The following ATP8B3 variants were observed in gnomAD, a reference collection of about 807,000 sequenced individuals.
ATP8B3 encodes the protein phospholipid-transporting ATPase IK.
A neutral mutation model predicts 140.9 loss-of-function variants in ATP8B3; 141 were observed. That is an observed-to-expected ratio of 1.00 (90% CI 0.87 to 1.15). ATP8B3 has a LOEUF of 1.15. ATP8B3 is among the 50% of genes most tolerant of loss of function. ATP8B3 has a pLI of 0.00. For synonymous variants in ATP8B3, 765 were observed against 714.6 expected, an observed-to-expected ratio of 1.07 and a Z score of -1.13; for missense variants, 1,874 against 1,740.6, an observed-to-expected ratio of 1.08 and a Z score of -1.36.
In ATP8B3 at chr19:1,788,935, G is replaced by A; in HGVS notation, c.3031C>T (p.Gln1011Ter). Reference sequence around the variant, plus strand: ...CCGTTGTAGCAGGCAAACCAGACCTGCACCATCATGCTGGCCATGCTCTTG... The same window carrying A: ...CCGTTGTAGCAGGCAAACCAGACCTACACCATCATGCTGGCCATGCTCTTG... ...FYKSMASMMV[Q>*]VWFACYNGFT... The change falls in exon 24 of 29, where the codon CAG (glutamine) becomes TAG (stop). Residue 1011 changes from glutamine (Q) to a stop codon, truncating the protein, a stop_gained. Transcript: ENST00000310127. LOFTEE classifies it high-confidence loss of function. 6.2e-7 allele frequency: 1 copy of A among 1,605,954 alleles called. No individual in the cohort carries two copies. Among genetic ancestry groups the A allele is most frequent in the Non-Finnish European group, 8.5e-7 (1 of 1,176,686 alleles).
Position 1,811,795 on chromosome 19 carries a change from G to A in ATP8B3, c.-59C>T, listed in dbSNP as rs1165719779. 7 of 1,508,752 alleles carry A rather than the reference G, an allele frequency of 4.6e-6. No individual in the cohort carries two copies. The highest frequency in any genetic ancestry group is 5.3e-6 in the Non-Finnish European group (6 of 1,133,438). 93.5% of individuals were successfully genotyped at this position (1,508,752 alleles called of 1,614,324 possible). On this transcript the variant is annotated 5_prime_UTR_variant, in exon 2 of 29. Transcript: ENST00000310127. ...AGAGGGGTTTAGGCTGTGGGACGGG[G>A]GAGAGGTGGGGGAGACCCCCGTGGG...
At chr19:1,798,467 G>A (rs1296134826) in intron 14 of ATP8B3, among the ~76,000 whole-genome samples, 1 of 151,512 alleles carries the variant, frequency 6.6e-6, no homozygotes, top group Non-Finnish European at 1.5e-5. Context: ...GGCCGGGCGC[G>A]GTGGCTCACG....
chr19:1,787,728 TAAAAAAAAAAA>T (rs561418063), intron 24 of ATP8B3, among the ~76,000 whole-genome samples: 1 of 119,726 alleles, frequency 8.4e-6, no homozygotes. Flanking sequence ...AAACTCTGTC[TAAAAAAAAAAA>T]AAAAAAAAAA....
rs2068549028 is a variant in ATP8B3 at position 1,792,610 on chromosome 19, A to G, written c.2056-475T>C. 2.1e-5 allele frequency among the ~76,000 whole-genome samples: 3 copies of G among 145,932 alleles called. No individual in the cohort carries two copies. In the South Asian group the frequency reaches 6.5e-4, roughly 32 times the overall value. On this transcript the variant is annotated intron_variant, in intron 18 of 28. Transcript: ENST00000310127. ...AAAAAAAAAAAATAGAAAAAACAAT[A>G]GAAAGAAAGCGGGGAAGAGGGCTGG...
At chr19:1,786,648 C>T (rs907835040) in intron 25 of ATP8B3, among the ~76,000 whole-genome samples, 64 of 152,194 alleles carry the variant, frequency 4.2e-4, no homozygotes, top group African/African-American at 1.4e-3. Context: ...GCAACACAAG[C>T]GTTCCTCATG....
At position 1,808,344 on chromosome 19, in the gene ATP8B3, A is replaced by G; in HGVS notation, c.403-9T>C. On this transcript the variant is annotated splice_polypyrimidine_tract_variant and intron_variant, in intron 4 of 28. Transcript: ENST00000310127. ...GTGCGGATGACATTGGTCTGGAACG[A>G]GAGCCGCGGGCTGCCTGGCAGAGGG... 6.2e-7 allele frequency: 1 copy of G among 1,605,600 alleles called. No individual in the cohort carries two copies. Among genetic ancestry groups the G allele is most frequent in the Non-Finnish European group, 8.5e-7 (1 of 1,174,704 alleles).
chr19:1,800,207 C>T lies in ATP8B3; in HGVS notation c.1343+52G>A, dbSNP rs1288954943. 1.3e-6 allele frequency: 2 copies of T among 1,594,314 alleles called. No homozygotes were observed. Among genetic ancestry groups the T allele is most frequent in the East Asian group, 2.2e-5 (1 of 44,520 alleles). On this transcript the variant is annotated intron_variant, in intron 13 of 28. Transcript: ENST00000310127. This position sits in a 1 kb window ranked among gnomAD's most constrained non-coding sequence, Gnocchi z 4.4. Reference sequence around the variant, plus strand: ...AGCCCCGCCTGCTGTGTGCCATCCCCATGCCTCCCCGTTCCGCGTTTGCAC... The same window carrying T: ...AGCCCCGCCTGCTGTGTGCCATCCCTATGCCTCCCCGTTCCGCGTTTGCAC...
In ATP8B3 at chr19:1,799,948, A is replaced by G. The variant is rs1235736128; in HGVS notation, c.1551T>C (p.Tyr517=). 1 of 1,592,772 alleles carries G rather than the reference A, an allele frequency of 6.3e-7. No individual in the cohort carries two copies. Among genetic ancestry groups the G allele is most frequent in the Non-Finnish European group, 8.5e-7 (1 of 1,169,952 alleles). ...GGAGCTCAGGTGTCGGGGCCGCACCATAGACGCGGCCGCTGATGCAGCACT... is the reference window on the plus strand; with the variant it reads ...GGAGCTCAGGTGTCGGGGCCGCACCGTAGACGCGGCCGCTGATGCAGCACT... ...FNKCCISGRV[Y]GPDSEATTRP... Residue 517 remains tyrosine (Y), a splice_region_variant and synonymous_variant, in exon 14 of 29, where the codon TAT becomes TAC. Coordinates refer to ENST00000310127, the MANE Select transcript of ATP8B3 (RefSeq NM_138813.4).
At chr19:1,797,080 GT>G in intron 14 of ATP8B3, 75 bp from the exon 15 acceptor site, 1 of 1,600,508 alleles carries the variant, frequency 6.2e-7, no homozygotes, top group Admixed American at 1.7e-5. Flanking sequence ...CTGACCCCTA[GT>G]TTCAGGCTTC....
At chr19:1,793,418 C>G (rs910466000) in intron 18 of ATP8B3, among the ~76,000 whole-genome samples, 1 of 152,196 alleles carries the variant, frequency 6.6e-6, no homozygotes, top group Non-Finnish European at 1.5e-5. Flanking sequence ...CGAATTCTGA[C>G]TATCACTCAA....
rs561418063 is a variant in ATP8B3 at position 1,787,728 on chromosome 19, T to TA, written c.3070-543dup. On this transcript the variant is annotated intron_variant, in intron 24 of 28. Transcript: ENST00000310127. Reference sequence around the variant, plus strand: ...TGGGCAACAAGTGTGAAACTCTGTCTAAAAAAAAAAAAAAAAAAAAAAAAA... The same window carrying TA: ...TGGGCAACAAGTGTGAAACTCTGTCTAAAAAAAAAAAAAAAAAAAAAAAAAA... 8.4e-3 allele frequency among the ~76,000 whole-genome samples: 1,001 copies of TA among 119,546 alleles called. 13 individuals carry two copies. Among genetic ancestry groups the TA allele is most frequent in the African/African-American group, 0.016 (504 of 31,938 alleles). The allele number at this position is 119,546 out of a possible 152,430, so 78.4% of individuals were successfully genotyped here. A position where few individuals can be genotyped will look rare whatever the true frequency, so the allele number is the denominator to read the frequency against.
rs769491916 is a variant in ATP8B3 at position 1,807,120 on chromosome 19, G to T, written c.615+48C>A. Reference sequence around the variant, plus strand: ...CGCCCAGGGATCAAGAGACCCCCCCGACCGGCCCCGCTCCCTCCCCCAGGC... The same window carrying T: ...CGCCCAGGGATCAAGAGACCCCCCCTACCGGCCCCGCTCCCTCCCCCAGGC... On this transcript the variant is annotated intron_variant, in intron 6 of 28. Coordinates refer to ENST00000310127, the MANE Select transcript of ATP8B3 (RefSeq NM_138813.4). This position sits in a 1 kb window ranked among gnomAD's most constrained non-coding sequence, Gnocchi z 5.9. 2.0e-6 allele frequency: 3 copies of T among 1,493,412 alleles called. No homozygotes were observed. Among genetic ancestry groups the T allele is most frequent in the South Asian group, 2.3e-5 (2 of 88,404 alleles). The allele number at this position is 1,493,412 out of a possible 1,614,324, so 92.5% of individuals were successfully genotyped here.
In ATP8B3 at chr19:1,806,394, C is replaced by T. The variant is rs1255778037; in HGVS notation, c.678-225G>A. On this transcript the variant is annotated intron_variant, in intron 7 of 28. Coordinates refer to ENST00000310127, the MANE Select transcript of ATP8B3 (RefSeq NM_138813.4). This position sits in a 1 kb window ranked among gnomAD's most constrained non-coding sequence, Gnocchi z 5.6. ...GCACCCACGTCCTCTTCAGACTTTC[C>T]TTGTCCTCCCCATCGCCCGAGCCCT... The T allele has an allele frequency of 5.5e-6, 8 of 1,443,842 alleles. No individual in the cohort carries two copies. The highest frequency in any genetic ancestry group is 1.8e-6 in the Non-Finnish European group (2 of 1,105,322). 89.4% of individuals were successfully genotyped at this position (1,443,842 alleles called of 1,614,324 possible).
At chr19:1,802,069 A>ATCCCCCC in intron 11 of ATP8B3, 25 bp from the exon 12 acceptor site, 1 of 1,112,376 alleles carries the variant, frequency 9.0e-7, no homozygotes. Context: ...CCATCTATCC[A>ATCCCCCC]CCCACCCACC....
chr19:1,796,658 G>A (rs1386556668), intron 16 of ATP8B3, 53 bp downstream of exon 16: 2 of 1,573,698 alleles, frequency 1.3e-6, no homozygotes, highest in Non-Finnish European at 1.7e-6. Context: ...TGGGGACACT[G>A]CCGTGCCCCG....
chr19:1,800,479 G>A lies in ATP8B3; in HGVS notation c.1153-30C>T. On this transcript the variant is annotated intron_variant, in intron 12 of 28. Coordinates refer to ENST00000310127, the MANE Select transcript of ATP8B3 (RefSeq NM_138813.4). The surrounding 1 kb of genome is among the most constrained non-coding windows in gnomAD (Gnocchi z 4.4). ...AAGGCAGACGCGACAGGGTGGGTGA[G>A]GGGGGCGGGGGTCCCCCACTCTGCC... 6.6e-7 allele frequency: 1 copy of A among 1,507,442 alleles called. No homozygotes were observed. The allele number at this position is 1,507,442 out of a possible 1,614,324, so 93.4% of individuals were successfully genotyped here.
chr19:1,811,948 C>G, intron 1 of ATP8B3, 64 bp from the exon 2 acceptor site: 1 of 594,370 alleles, frequency 1.7e-6, no homozygotes, highest in East Asian at 3.0e-5. Flanking sequence ...CTGGGATGCC[C>G]CATTACTCGG....
intron 18 of ATP8B3, among the ~76,000 whole-genome samples, chr19:1,793,151 C>T (rs1259363791): frequency 6.6e-6 from 1 of 150,772 alleles, no homozygotes; most frequent in East Asian, 1.9e-4. Flanking sequence ...AGTGCAGTGG[C>T]CCAATCATAG....
At chr19:1,809,025 T>C (rs371001574) in intron 4 of ATP8B3, among the ~76,000 whole-genome samples, 9 of 147,230 alleles carry the variant, frequency 6.1e-5, no homozygotes, top group African/African-American at 2.3e-4. Context: ...ATGCAAAAAA[T>C]TAGCCGGGCG....
Sources: gnomAD v4.1 joint callset for allele counts (sites outside exome capture counted in the v4.1 genomes callset) on GRCh38, gnomAD v4.1.1 for gene constraint, Gnocchi (gnomAD v3.1) non-coding constraint, MANE v1.5 for transcripts, NCBI Gene and HGNC (gene_info 2026-07-23, HGNC 2026-07-21) for gene names.